GRAMD1B: variants seen among roughly 807,000 people sequenced by gnomAD.
GRAMD1B encodes GRAM domain containing 1B.
Under a neutral mutation model 99.7 loss-of-function variants are expected in GRAMD1B, and 37 were observed. That is an observed-to-expected ratio of 0.37 (90% CI 0.29 to 0.49). The LOEUF (loss-of-function observed/expected upper bound fraction) is 0.49. Ranked by LOEUF, GRAMD1B falls within the 20% of genes least tolerant of loss-of-function variation. The pLI is 0.98. For missense variants in GRAMD1B, 888 were observed against 1,009.2 expected (o/e 0.88, Z 1.63); for synonymous variants, 427 against 387.6 (o/e 1.10, Z -1.19).
intron 8 of GRAMD1B, 31 bp from the exon 9 acceptor site, chr11:123,603,395 A>G (rs768128136): frequency 2.2e-6 from 3 of 1,362,682 alleles, no homozygotes; most frequent in Admixed American, 1.7e-5. Flanking sequence ...CTGAGGGAGC[A>G]AGGCTCAGTC....
At chr11:123,513,611 T>TTCCC (rs1941346687) in intron 2 of GRAMD1B, among the ~76,000 whole-genome samples, 3 of 123,174 alleles carry the variant, frequency 2.4e-5, no homozygotes, top group African/African-American at 9.9e-5. Flanking sequence ...CCTTCCTTCC[T>TTCCC]TCCTTCCTTT....
intron 1 of GRAMD1B, among the ~76,000 whole-genome samples, chr11:123,424,102 G>A (rs911244002): frequency 1.3e-5 from 2 of 151,870 alleles, no homozygotes; most frequent in African/African-American, 4.8e-5. Flanking sequence ...CCATTCATAT[G>A]GTCAATATTC....
At chr11:123,408,095 T>C (rs1253850821) in intron 1 of GRAMD1B, among the ~76,000 whole-genome samples, 2 of 152,204 alleles carry the variant, frequency 1.3e-5, no homozygotes, top group African/African-American at 2.4e-5. Flanking sequence ...AGCTAAACTT[T>C]AGAACACCAG....
chr11:123,580,190 G>T (rs776267985), intron 3 of GRAMD1B, among the ~76,000 whole-genome samples: 14 of 152,196 alleles, frequency 9.2e-5, no homozygotes, highest in Non-Finnish European at 1.9e-4. Flanking sequence ...CATTGCATTG[G>T]CCTGGGACGT....
intron 3 of GRAMD1B, among the ~76,000 whole-genome samples, chr11:123,582,021 A>G (rs1463924885): frequency 5.3e-5 from 8 of 152,180 alleles, no homozygotes; most frequent in Admixed American, 6.5e-5. Flanking sequence ...CGGCATTGAG[A>G]CGAGGAGCTG....
At chr11:123,367,984 G>C (rs930533131) in intron 1 of GRAMD1B, among the ~76,000 whole-genome samples, 4 of 152,014 alleles carry the variant, frequency 2.6e-5, no homozygotes, top group Admixed American at 6.6e-5. Context: ...GGCCGGGCAC[G>C]GTGGCTCACA....
At chr11:123,581,744 A>G (rs965124562) in intron 3 of GRAMD1B, among the ~76,000 whole-genome samples, 3 of 152,246 alleles carry the variant, frequency 2.0e-5, no homozygotes, top group African/African-American at 7.2e-5. Flanking sequence ...ACAAAAGAGC[A>G]AACATTAGAT....
At chr11:123,620,365 T>C (rs764434314) in intron 19 of GRAMD1B, among the ~76,000 whole-genome samples, 2 of 144,576 alleles carry the variant, frequency 1.4e-5, no homozygotes, top group Non-Finnish European at 3.0e-5. Context: ...TCCCAGCTAC[T>C]TGGGAGGCTA....
rs552209283 is a variant in GRAMD1B, at chr11:123,590,683, T to G, written c.685-3399T>G. Among the ~76,000 whole-genome samples, 85 of 151,462 alleles carry G rather than the reference T, an allele frequency of 5.6e-4. No individual in the cohort carries two copies. The South Asian group carries it at 0.012, about 22-fold the overall frequency. On this transcript the variant is annotated intron_variant, in intron 4 of 19. Coordinates refer to ENST00000635736, the MANE Select transcript of GRAMD1B (RefSeq NM_001387025.1). ...GCAGAGCAGGGGCTGAGGAAAGGGG[T>G]GTGTGTTGGGCTGGGGTTGAGAGCA...
intron 2 of GRAMD1B, among the ~76,000 whole-genome samples, chr11:123,552,708 C>A (rs1049732426): frequency 6.6e-6 from 1 of 152,146 alleles, no homozygotes; most frequent in South Asian, 2.1e-4. Flanking sequence ...AATGACATCT[C>A]GTTATACTGA....
intron 1 of GRAMD1B, among the ~76,000 whole-genome samples, chr11:123,478,426 T>C (rs1046326242): frequency 6.6e-6 from 1 of 152,250 alleles, no homozygotes; most frequent in Non-Finnish European, 1.5e-5. Context: ...ATACACAGTT[T>C]GAACATGACC....
At chr11:123,519,197 C>T (rs1374305638) in intron 2 of GRAMD1B, among the ~76,000 whole-genome samples, 1 of 152,204 alleles carries the variant, frequency 6.6e-6, no homozygotes, top group African/African-American at 2.4e-5. Flanking sequence ...TGGGAGCTGA[C>T]ATAGATGAAT....
chr11:123,412,842 C>T (rs1036364212), intron 1 of GRAMD1B, among the ~76,000 whole-genome samples: 3 of 152,004 alleles, frequency 2.0e-5, no homozygotes, highest in African/African-American at 4.8e-5. Context: ...AGTGCAGTGG[C>T]GCGATCTCGG....
rs188037026 is a variant in GRAMD1B, at chr11:123,546,782, C to T, written c.453-30585C>T. ...CTGTGGATGTTTTCCATCTTGACTA[C>T]AAATGTCAGCATACAGGGACCCAGC... On this transcript the variant is annotated intron_variant, in intron 2 of 19. Coordinates refer to ENST00000635736, the MANE Select transcript of GRAMD1B (RefSeq NM_001387025.1). Among the ~76,000 whole-genome samples the T allele has an allele frequency of 3.3e-4, 50 of 152,306 alleles. 1 individual carries two copies. Among genetic ancestry groups the T allele is most frequent in the Non-Finnish European group, 6.3e-4 (43 of 68,032 alleles).
intron 8 of GRAMD1B, among the ~76,000 whole-genome samples, chr11:123,601,315 C>A (rs185113787): frequency 6.6e-6 from 1 of 151,968 alleles, no homozygotes; most frequent in African/African-American, 2.4e-5. Context: ...GATGAAGCCA[C>A]CCCTTCATGC....
intron 1 of GRAMD1B, among the ~76,000 whole-genome samples, chr11:123,394,016 C>T (rs752318011): frequency 2.6e-5 from 4 of 152,176 alleles, no homozygotes; most frequent in Admixed American, 6.5e-5. Flanking sequence ...AAAAGGTCAT[C>T]CTTATTCTAC....
At position 123,559,725 on chromosome 11, in the gene GRAMD1B, C is replaced by T. The variant is rs879645441; in HGVS notation, c.453-17642C>T. 8.2e-6 allele frequency: 8 copies of T among 979,770 alleles called. No homozygotes were observed. In the Admixed American group the frequency reaches 4.9e-4, roughly 60 times the overall value. The allele number at this position is 979,770 out of a possible 1,614,324, so 60.7% of individuals were successfully genotyped here. On this transcript the variant is annotated intron_variant, in intron 2 of 19. Coordinates refer to ENST00000635736, the MANE Select transcript of GRAMD1B (RefSeq NM_001387025.1). ...TTTCCCTGAGTGTTACTCTTGCTGT[C>T]TGTGAGAGCCTGACCTGCGGGAGAA... is the stretch of plus-strand genomic sequence containing the variant.
At chr11:123,583,361 ATG>A (rs777507163) in intron 3 of GRAMD1B, among the ~76,000 whole-genome samples, 13 of 141,150 alleles carry the variant, frequency 9.2e-5, no homozygotes, top group East Asian at 4.4e-4. Flanking sequence ...GCATGTGTGT[ATG>A]TGTGTGTGCA....
In GRAMD1B at chr11:123,534,992, A is replaced by C. The variant is rs192444387; in HGVS notation, c.453-42375A>C. Among the ~76,000 whole-genome samples, 6 of 152,320 alleles carry C rather than the reference A, an allele frequency of 3.9e-5. No homozygotes were observed. The East Asian group carries it at 9.6e-4, about 24-fold the overall frequency. ...CTGGTCAGGACAGGGATATGTGGCCATGCAAGGGTAGACGTTTAAGTGGCA... is the reference window on the plus strand; with the variant it reads ...CTGGTCAGGACAGGGATATGTGGCCCTGCAAGGGTAGACGTTTAAGTGGCA... On this transcript the variant is annotated intron_variant, in intron 2 of 19. Coordinates refer to ENST00000635736, the MANE Select transcript of GRAMD1B (RefSeq NM_001387025.1).
Sources: allele counts gnomAD v4.1 joint callset (sites outside exome capture counted in the v4.1 genomes callset), GRCh38; gene constraint gnomAD v4.1.1; transcripts MANE v1.5; gene names NCBI Gene and HGNC (gene_info 2026-07-23, HGNC 2026-07-21).